The following TTN variants were observed in gnomAD, a reference collection of about 807,000 sequenced individuals.
TTN encodes titin, also known as connectin.
In TTN, 1,525 loss-of-function variants were observed where a neutral mutation model predicts 3,223.0. The ratio of observed to expected loss-of-function variants is 0.47; its 90% CI spans 0.45 to 0.49. The LOEUF (loss-of-function observed/expected upper bound fraction) is 0.49. Ranked by LOEUF, TTN falls within the 20% of genes least tolerant of loss-of-function variation. TTN has a pLI of 0.00. For missense variants in TTN, 40,786 were observed against 43,424.0 expected (o/e 0.94, Z 5.40); for synonymous variants, 14,094 against 15,161.0 (o/e 0.93, Z 5.17).
At chr2:178,701,670 T>C in intron 109 of TTN, 83 bp from the exon 110 acceptor site, 1 of 1,346,568 alleles carries the variant, frequency 7.4e-7, no homozygotes, top group Non-Finnish European at 1.1e-6. Flanking sequence ...ATTTATTAGA[T>C]CCTGAGATAT....
At chr2:178,693,762 A>G in intron 118 of TTN, 73 bp from the exon 119 acceptor site, 2 of 1,310,282 alleles carry the variant, frequency 1.5e-6, no homozygotes, top group Non-Finnish European at 2.1e-6. Context: ...AAAGAACATT[A>G]AAATAAAAAT....
At chr2:178,724,172 A>G in intron 72 of TTN, 29 bp from the exon 73 acceptor site, 1 of 1,590,058 alleles carries the variant, frequency 6.3e-7, no homozygotes. Flanking sequence ...GAGACTCATC[A>G]TGATTTGAAA....
At position 178,709,755 on chromosome 2, in the gene TTN, G is replaced by T; in HGVS notation, c.28564C>A (p.Pro9522Thr). 1 of 1,613,824 alleles carries T rather than the reference G, an allele frequency of 6.2e-7. No individual in the cohort carries two copies. The highest frequency in any genetic ancestry group is 8.5e-7 in the Non-Finnish European group (1 of 1,179,806). ...TTTTTGTACCAGGCAACAGTTATAG[G>T]TTGGGAACCAGCCACACGTCCCTCA... is the stretch of plus-strand genomic sequence containing the variant. ...KLEGRVAGSQ[P>T]ITVAWYKNNI... Residue 9522 changes from proline (P) to threonine (T), a missense_variant, in exon 99 of 363, where the codon CCT becomes ACT. Coordinates refer to ENST00000589042, the MANE Select transcript of TTN (RefSeq NM_001267550.2).
In TTN at chr2:178,541,654, G is replaced by A. The variant is rs1694580879; in HGVS notation, c.97493-70C>T. ...TTAAAACAATGACTCATATATTTGT[G>A]TTTTCCTTAGGTTTTGGTTGGTATT... On this transcript the variant is annotated intron_variant, in intron 349 of 362. Coordinates refer to ENST00000589042, the MANE Select transcript of TTN (RefSeq NM_001267550.2). The A allele has an allele frequency of 1.0e-5, 14 of 1,380,948 alleles. No individual in the cohort carries two copies. In the South Asian group the frequency reaches 2.6e-4, roughly 26 times the overall value. 85.5% of individuals were successfully genotyped at this position (1,380,948 alleles called of 1,614,324 possible). A position where few individuals can be genotyped will look rare whatever the true frequency, so the allele number is the denominator to read the frequency against.
rs1311015897 is a variant in TTN at position 178,553,067 on chromosome 2, C to G, written c.89833G>C (p.Val29945Leu). ...AGCAAAGTGACTGTGCCTCGAGAAA[C>G]ATGTTTAACCTGTAGTTTCTGGCAG... is the stretch of plus-strand genomic sequence containing the variant. ...AACQKLQVKH[V>L]SRGTVTLLWD... Residue 29945 changes from valine (V) to leucine (L), a missense_variant, in exon 335 of 363, where the codon GTT (valine) becomes CTT (leucine). Transcript: ENST00000589042. 1.2e-5 allele frequency: 20 copies of G among 1,611,970 alleles called. No homozygotes were observed. Among genetic ancestry groups the G allele is most frequent in the Non-Finnish European group, 1.7e-5 (20 of 1,178,918 alleles).
rs879099986 is a variant in TTN at position 178,722,767 on chromosome 2, C to T, written c.22132G>A (p.Ala7378Thr). 9.9e-6 allele frequency: 16 copies of T among 1,613,166 alleles called. No individual in the cohort carries two copies. The highest frequency in any genetic ancestry group is 1.3e-5 in the Non-Finnish European group (15 of 1,179,542). ...TTCACTTTATTAAAAACAAGTGTGG[C>T]CACATTGTTTGTAAAGTAGGTCCTG... ...EYRTYFTNNV[A>T]TLVFNKVNIN... The change falls in exon 76 of 363, where the codon GCC (alanine) becomes ACC (threonine). Residue 7378 changes from alanine to threonine, a missense_variant. Physicochemically the swap from Ala to Thr is moderately conservative, Grantham distance 58. Transcript: ENST00000589042.
chr2:178,740,695 C>G lies in TTN; in HGVS notation c.12538G>C (p.Asp4180His). The change falls in exon 48 of 363, where the codon GAT (aspartate) becomes CAT (histidine). Residue 4180 changes from aspartate to histidine, a missense_variant. Physicochemically the swap from Asp to His is moderately conservative, Grantham distance 81. Coordinates refer to ENST00000589042, the MANE Select transcript of TTN (RefSeq NM_001267550.2). Reference sequence around the variant, plus strand: ...GCACTTGGGAAGATTTTCTCGGTATCTGATAGAACTGCCTGTGTCTCAGGC... The same window carrying G: ...GCACTTGGGAAGATTTTCTCGGTATGTGATAGAACTGCCTGTGTCTCAGGC... ...EEPETQAVLSDTEKIFPSAMS... is the reference protein window; with the variant it reads ...EEPETQAVLSHTEKIFPSAMS... The G allele has an allele frequency of 1.9e-6, 3 of 1,613,798 alleles. No homozygotes were observed. Among genetic ancestry groups the G allele is most frequent in the Non-Finnish European group, 2.5e-6 (3 of 1,179,796 alleles).
intron 140 of TTN, 95 bp downstream of exon 140, chr2:178,679,799 A>G: frequency 7.1e-6 from 11 of 1,555,568 alleles, no homozygotes; most frequent in Non-Finnish European, 9.6e-6. Flanking sequence ...GTAAGCAATC[A>G]TTGGTGCTGC....
At chr2:178,595,938 T>G (rs1164229064) in intron 294 of TTN, 129 bp from the exon 295 acceptor site, 2 of 902,322 alleles carry the variant, frequency 2.2e-6, no homozygotes, top group Non-Finnish European at 1.6e-6. Context: ...ACTAATTGAG[T>G]TAGTTTTTCC....
intron 213 of TTN, among the ~76,000 whole-genome samples, chr2:178,648,944 A>G (rs2062461091): frequency 6.6e-6 from 1 of 152,106 alleles, no homozygotes; most frequent in African/African-American, 2.4e-5. Flanking sequence ...AATTTTTCTA[A>G]TATGATGTCT....
rs2078110546 is a variant in TTN, at chr2:178,720,062, T to G, written c.23580A>C (p.Ala7860=). 1.2e-6 allele frequency: 2 copies of G among 1,613,676 alleles called. No individual in the cohort carries two copies. Among genetic ancestry groups the G allele is most frequent in the Non-Finnish European group, 1.7e-6 (2 of 1,179,688 alleles). ...GGCATATATATTTTCCAGAATTAGA[T>G]GCTTCTGGACTCCCCAGCTGGAGGG... ...IATLQLGSPE[A]SNSGKYICQI... The change falls in exon 81 of 363, where the codon GCA becomes GCC. Residue 7860 remains alanine (A), a synonymous_variant. Transcript: ENST00000589042.
rs2154133442 is a variant in TTN, at chr2:178,531,330, T to A, written c.105285A>T (p.Ser35095=). The change falls in exon 358 of 363, where the codon TCA becomes TCT. Residue 35095 remains serine (S), a synonymous_variant. Transcript: ENST00000589042. The part of the protein sequence containing the change: ...QMTETRESLS[S]YEHSASAEMK... ...TTTCTGCAGATGCAGAGTGTTCATA[T>A]GAGGAGAGACTTTCCCTTGTCTCCG... The A allele has an allele frequency of 3.1e-6, 5 of 1,614,070 alleles. No individual in the cohort carries two copies. The highest frequency in any genetic ancestry group is 1.3e-5 in the African/African-American group (1 of 75,070).
chr2:178,584,521 A>G lies in TTN; in HGVS notation c.65030T>C (p.Phe21677Ser), dbSNP rs760489340. Reference protein sequence around the residue: ...RVTKVNKDCIFVAWDRPDSDG... With the variant: ...RVTKVNKDCISVAWDRPDSDG... ...ACTATCTGGTCTGTCCCAAGCAACA[A>G]AAATACAGTCCTTGTTGACTTTGGT... The change falls in exon 311 of 363, where the codon TTT (phenylalanine) becomes TCT (serine). Residue 21677 changes from phenylalanine to serine, a missense_variant. Phe to Ser is a radical substitution (Grantham distance 155). Coordinates refer to ENST00000589042, the MANE Select transcript of TTN (RefSeq NM_001267550.2). 1.2e-6 allele frequency: 2 copies of G among 1,613,210 alleles called. No individual in the cohort carries two copies. The highest frequency in any genetic ancestry group is 2.2e-5 in the East Asian group (1 of 44,662).
Position 178,611,034 on chromosome 2 carries a change from T to C in TTN, c.51095A>G (p.Lys17032Arg). 2.5e-6 allele frequency: 4 copies of C among 1,612,692 alleles called. No individual in the cohort carries two copies. The highest frequency in any genetic ancestry group is 3.4e-6 in the Non-Finnish European group (4 of 1,179,124). The change falls in exon 270 of 363, where the codon AAG (lysine) becomes AGG (arginine). Residue 17032 changes from lysine (K) to arginine (R), a missense_variant. Physicochemically the swap from Lys to Arg is conservative, Grantham distance 26. Coordinates refer to ENST00000589042, the MANE Select transcript of TTN (RefSeq NM_001267550.2). ...AGIYTITLEN[K>R]LGSATASINV... is the part of the protein sequence containing the mutation. ...GATTGAGGCTGTTGCTGAGCCGAGC[T>C]TATTCTCCAGTGTAATGGTATAAAT...
At chr2:178,681,322 T>C in intron 137 of TTN, 54 bp downstream of exon 137, 1 of 1,533,338 alleles carries the variant, frequency 6.5e-7, no homozygotes, top group Non-Finnish European at 9.0e-7. Flanking sequence ...GAAGACATGA[T>C]TTTAGAACAT....
In TTN at chr2:178,718,235, G is replaced by A. The variant is rs760147757; in HGVS notation, c.24785-14C>T. 2 of 1,594,302 alleles carry A rather than the reference G, an allele frequency of 1.3e-6. No individual in the cohort carries two copies. The highest frequency in any genetic ancestry group is 1.7e-6 in the Non-Finnish European group (2 of 1,172,528). ...AGTACGGTGGTTCTATGGTACAAAG[G>A]ATGGTAGTCAGCAAGTCAGTCATGC... On this transcript the variant is annotated splice_polypyrimidine_tract_variant and intron_variant, in intron 85 of 362. Transcript: ENST00000589042.
chr2:178,532,834 C>T lies in TTN; in HGVS notation c.103781G>A (p.Arg34594His), dbSNP rs3829747. 246,198 of 1,613,722 alleles carry T rather than the reference C, an allele frequency of 0.15. 21,854 individuals are homozygous for T. The highest frequency in any genetic ancestry group is 0.43 in the East Asian group (19,458 of 44,856). The part of the protein sequence containing the change: ...LDRVVQKRPK[R>H]IRLSRWEQFY... ...CTGTTCCCATCTTGAAAGGCGGATG[C>T]GCTTGGGTCGTTTCTGTACAACTCT... Residue 34594 changes from arginine (R) to histidine (H), a missense_variant, in exon 358 of 363, where the codon CGC (arginine) becomes CAC (histidine). Transcript: ENST00000589042.
intron 90 of TTN, 29 bp downstream of exon 90, chr2:178,714,957 T>G (rs765736200): frequency 1.3e-6 from 2 of 1,577,760 alleles, no homozygotes; most frequent in African/African-American, 2.7e-5. Context: ...AGGGAAGTAG[T>G]GAGCAGAAGT....
At chr2:178,600,472 A>C in intron 288 of TTN, 1 of 198,130 alleles carries the variant, frequency 5.0e-6, no homozygotes, top group South Asian at 8.4e-5. Context: ...CTTTTCTCAT[A>C]TAGAGAAATA....
Sources: allele counts gnomAD v4.1 joint callset (sites outside exome capture counted in the v4.1 genomes callset), GRCh38; gene constraint gnomAD v4.1.1; transcripts MANE v1.5; gene names NCBI Gene and HGNC (gene_info 2026-07-23, HGNC 2026-07-21).